FRMD3: variants seen among roughly 807,000 people sequenced by gnomAD.
FRMD3 encodes the protein FERM domain containing 3, also known as FERM domain-containing protein 3.
In FRMD3, 33 loss-of-function variants were observed where a neutral mutation model predicts 70.2. The ratio of observed to expected loss-of-function variants is 0.47; its 90% CI spans 0.36 to 0.63. The LOEUF (loss-of-function observed/expected upper bound fraction) is 0.63, where lower values mean the gene tolerates loss of function less well. Among genes scored for constraint, FRMD3 ranks in the 20% least tolerant of loss-of-function variants. FRMD3 has a pLI of 0.00. For missense variants in FRMD3, 632 were observed against 711.4 expected (o/e 0.89, Z 1.27); for synonymous variants, 279 against 255.9 (o/e 1.09, Z -0.86).
chr9:83,463,972 G>C (rs4877775), intron 1 of FRMD3, among the ~76,000 whole-genome samples: 57,889 of 151,742 alleles, frequency 0.38, 11,503 homozygotes, highest in Middle Eastern at 0.49. Flanking sequence ...TCCCAGCCCT[G>C]CTGCCATCCC....
At chr9:83,255,368 A>G (rs1354079545) in intron 13 of FRMD3, among the ~76,000 whole-genome samples, 1 of 152,226 alleles carries the variant, frequency 6.6e-6, no homozygotes, top group Non-Finnish European at 1.5e-5. Flanking sequence ...CTAAGTAATG[A>G]AGGAACATAC....
At chr9:83,574,704 C>T in the FRMD3 span, among the ~76,000 whole-genome samples, 8 of 152,154 alleles carry the variant, frequency 5.3e-5, no homozygotes, top group African/African-American at 1.7e-4. Flanking sequence ...ATTACACTGG[C>T]TGATTGTCTC....
At chr9:83,274,156 G>A (rs1362080144) in intron 13 of FRMD3, among the ~76,000 whole-genome samples, 1 of 152,050 alleles carries the variant, frequency 6.6e-6, no homozygotes, top group African/African-American at 2.4e-5. Flanking sequence ...AAAGCCTGAT[G>A]CATTATAAAT....
the FRMD3 span, among the ~76,000 whole-genome samples, chr9:83,575,283 G>A: frequency 1.3e-5 from 2 of 152,160 alleles, no homozygotes; most frequent in Non-Finnish European, 2.9e-5. Context: ...TAGAACGAGG[G>A]GTTTAGTCCT....
intron 10 of FRMD3, among the ~76,000 whole-genome samples, chr9:83,308,099 C>T (rs577552657): frequency 1.3e-5 from 2 of 152,340 alleles, no homozygotes; most frequent in East Asian, 3.9e-4. Flanking sequence ...TGCGTCATCT[C>T]ACCCAGTGGT....
chr9:83,419,609 ATATG>A (rs1826570716), intron 1 of FRMD3, among the ~76,000 whole-genome samples: 1 of 148,522 alleles, frequency 6.7e-6, no homozygotes, highest in Non-Finnish European at 1.5e-5. Context: ...TGCGTGTGTG[ATATG>A]TGTGTGTTCA....
intron 1 of FRMD3, among the ~76,000 whole-genome samples, chr9:83,447,321 C>A (rs1020592250): frequency 3.3e-5 from 5 of 152,200 alleles, no homozygotes; most frequent in Non-Finnish European, 5.9e-5. Context: ...CCGCGCCCGG[C>A]CAGATCAGGG....
chr9:83,554,680 A>G, the FRMD3 span, among the ~76,000 whole-genome samples: 2 of 152,222 alleles, frequency 1.3e-5, no homozygotes, highest in Admixed American at 1.3e-4. Context: ...GGGCAAGGGC[A>G]GTTCCACTGC....
At chr9:83,321,275 G>A (rs1835791099) in intron 6 of FRMD3, among the ~76,000 whole-genome samples, 2 of 152,018 alleles carry the variant, frequency 1.3e-5, no homozygotes, top group African/African-American at 4.8e-5. Flanking sequence ...ACAATGTTAG[G>A]TTATTTTGTG....
chr9:83,538,058 C>T lies in FRMD3; in HGVS notation c.147+27G>A. On this transcript the variant is annotated intron_variant, in intron 1 of 13. Transcript: ENST00000304195. This position sits in a 1 kb window ranked among gnomAD's most constrained non-coding sequence, Gnocchi z 4.7. ...CCCGCCCTGCTCCCGGCGTGTGCCC[C>T]GCGCCCTCGCCCGGTTCCACGCGCA... 2 of 1,608,086 alleles carry T rather than the reference C, an allele frequency of 1.2e-6. No homozygotes were observed. Among genetic ancestry groups the T allele is most frequent in the East Asian group, 2.2e-5 (1 of 44,708 alleles).
At chr9:83,377,599 T>C (rs1188797400) in intron 2 of FRMD3, among the ~76,000 whole-genome samples, 1 of 152,092 alleles carries the variant, frequency 6.6e-6, no homozygotes, top group Non-Finnish European at 1.5e-5. Context: ...GATCTGGTCA[T>C]GTAAAAGTGT....
At chr9:83,353,690 C>CTACAGCAATTCCTGAGATTTACATT (rs1238940905) in intron 3 of FRMD3, among the ~76,000 whole-genome samples, 1 of 152,228 alleles carries the variant, frequency 6.6e-6, no homozygotes, top group Non-Finnish European at 1.5e-5. Context: ...ATCTGGATCA[C>CTACAGCAATTCCTGAGATTTACATT]TACAGCAATT....
the FRMD3 span, among the ~76,000 whole-genome samples, chr9:83,570,975 T>G: frequency 6.6e-6 from 1 of 152,306 alleles, no homozygotes; most frequent in African/African-American, 2.4e-5. Context: ...ATGTTTTGGA[T>G]TTAGTCTGTC....
At chr9:83,500,502 G>GCGCGCA (rs1367435493) in intron 1 of FRMD3, among the ~76,000 whole-genome samples, 19 of 143,818 alleles carry the variant, frequency 1.3e-4, no homozygotes, top group African/African-American at 4.9e-4. Flanking sequence ...GTGTATGCGC[G>GCGCGCA]CACACACACA....
intron 1 of FRMD3, among the ~76,000 whole-genome samples, chr9:83,449,852 A>G (rs1827590176): frequency 6.6e-6 from 1 of 152,216 alleles, no homozygotes; most frequent in African/African-American, 2.4e-5. Context: ...TGTATTTTCA[A>G]AATGATCAAA....
At chr9:83,355,363 C>T (rs1326355047) in intron 3 of FRMD3, among the ~76,000 whole-genome samples, 1 of 152,202 alleles carries the variant, frequency 6.6e-6, no homozygotes, top group Non-Finnish European at 1.5e-5. Flanking sequence ...AGCCACTGTG[C>T]ATCTTTACTA....
chr9:83,271,120 C>G (rs1207219514), intron 13 of FRMD3, among the ~76,000 whole-genome samples: 1 of 152,134 alleles, frequency 6.6e-6, no homozygotes, highest in Non-Finnish European at 1.5e-5. Flanking sequence ...ATGGAATAGG[C>G]ATTTAATAAA....
chr9:83,271,146 TATC>T (rs1345201741), intron 13 of FRMD3, among the ~76,000 whole-genome samples: 1 of 152,212 alleles, frequency 6.6e-6, no homozygotes, highest in Non-Finnish European at 1.5e-5. Context: ...ACTATAATTA[TATC>T]ATCATCAATA....
rs1833314588 is a variant in FRMD3, at chr9:83,267,317, G to C, written c.1196-18801C>G. The stretch of plus-strand genomic sequence containing the variant: ...GGATCAGCATTGGGAGGGGAGGAGG[G>C]AGGGGACGCTATTTTTAAACTCTCC... On this transcript the variant is annotated intron_variant, in intron 13 of 13. Coordinates refer to ENST00000304195, the MANE Select transcript of FRMD3 (RefSeq NM_174938.6). 2.1e-6 allele frequency: 3 copies of C among 1,426,954 alleles called. No homozygotes were observed. In the African/African-American group the frequency reaches 4.3e-5, roughly 20 times the overall value. 88.4% of individuals were successfully genotyped at this position (1,426,954 alleles called of 1,614,324 possible). A position where few individuals can be genotyped will look rare whatever the true frequency, so the allele number is the denominator to read the frequency against.
Sources: allele counts gnomAD v4.1 joint callset (sites outside exome capture counted in the v4.1 genomes callset), GRCh38; gene constraint gnomAD v4.1.1; non-coding constraint Gnocchi (gnomAD v3.1); transcripts MANE v1.5; gene names NCBI Gene and HGNC (gene_info 2026-07-23, HGNC 2026-07-21).